MME: variants seen among roughly 807,000 people sequenced by gnomAD.
MME encodes the protein membrane metalloendopeptidase, also known as neprilysin.
Under a neutral mutation model 113.2 loss-of-function variants are expected in MME, and 98 were observed. That is an observed-to-expected ratio of 0.87 (90% CI 0.74 to 1.02). The LOEUF is 1.02. Among genes scored for constraint, MME ranks in the 50% least tolerant of loss-of-function variants. The probability of loss-of-function intolerance (pLI) is 0.00; values close to 1 mark genes in which losing one functional copy is unlikely to be tolerated. For synonymous variants in MME, 292 were observed against 300.6 expected (o/e 0.97, Z 0.30); for missense variants, 836 against 896.0 (o/e 0.93, Z 0.86).
At chr3:155,165,009 T>C (rs911043537) in intron 17 of MME, among the ~76,000 whole-genome samples, 1 of 152,124 alleles carries the variant, frequency 6.6e-6, no homozygotes, top group African/African-American at 2.4e-5. Flanking sequence ...GACAAAGAAA[T>C]AACATGTGCT....
Position 155,149,989 on chromosome 3 carries a change from T to C in MME, c.1601+1336T>C, listed in dbSNP as rs955095705. On this transcript the variant is annotated intron_variant, in intron 16 of 22. Coordinates refer to ENST00000360490, the MANE Select transcript of MME (RefSeq NM_007289.4). ...TTGGCATTATAATCAAGTTACCATATCCTGTCTCTTGAAACACACAAAAAG... is the reference window on the plus strand; with the variant it reads ...TTGGCATTATAATCAAGTTACCATACCCTGTCTCTTGAAACACACAAAAAG... Among the ~76,000 whole-genome samples the C allele has an allele frequency of 3.3e-5, 5 of 152,328 alleles. No homozygotes were observed. The South Asian group carries it at 1.0e-3, about 32-fold the overall frequency.
At chr3:155,044,763 C>T (rs1195965387) in intron 1 of MME, among the ~76,000 whole-genome samples, 1 of 152,020 alleles carries the variant, frequency 6.6e-6, no homozygotes, top group Non-Finnish European at 1.5e-5. Context: ...CCTGTTAGTC[C>T]AATATTATGA....
intron 1 of MME, among the ~76,000 whole-genome samples, chr3:155,048,169 A>G (rs1010702047): frequency 1.3e-5 from 2 of 152,266 alleles, no homozygotes; most frequent in African/African-American, 4.8e-5. Context: ...AAACCTGTGT[A>G]GGATCACATA....
At chr3:155,071,914 C>A (rs976982698) in intron 1 of MME, among the ~76,000 whole-genome samples, 20 of 152,136 alleles carry the variant, frequency 1.3e-4, no homozygotes, top group African/African-American at 4.8e-4. Flanking sequence ...GTAATCCCAG[C>A]ACTTTGGGAG....
chr3:155,138,406 T>G (rs532996636), intron 9 of MME, among the ~76,000 whole-genome samples, 170 bp downstream of exon 9: 1 of 152,206 alleles, frequency 6.6e-6, no homozygotes, highest in East Asian at 1.9e-4. Context: ...ACTAAAGAAT[T>G]TTATAGTAAA....
At chr3:155,131,777 G>A (rs1305772701) in intron 8 of MME, among the ~76,000 whole-genome samples, 1 of 152,074 alleles carries the variant, frequency 6.6e-6, no homozygotes, top group Non-Finnish European at 1.5e-5. Context: ...GCCCAGAAAT[G>A]GCTGTGTGAC....
In MME at chr3:155,115,085, C is replaced by T. The variant is rs775882447; in HGVS notation, c.288C>T (p.Val96=). 6.2e-7 allele frequency: 1 copy of T among 1,614,122 alleles called. No homozygotes were observed. Among genetic ancestry groups the T allele is most frequent in the Non-Finnish European group, 8.5e-7 (1 of 1,180,008 alleles). The change falls in exon 4 of 23, where the codon GTC becomes GTT. Residue 96 remains valine, a synonymous_variant. Transcript: ENST00000360490. ...GCGGAGGCTGGTTGAAACGTAATGT[C>T]ATTCCCGAGACCAGCTCCCGTTACG... The part of the protein sequence containing the change: ...YACGGWLKRN[V]IPETSSRYGN...
intron 3 of MME, among the ~76,000 whole-genome samples, chr3:155,107,051 A>C (rs1717745240): frequency 6.6e-6 from 1 of 152,344 alleles, no homozygotes; most frequent in Non-Finnish European, 1.5e-5. Flanking sequence ...AATTCAGTGC[A>C]GATTAAGAAT....
intron 1 of MME, 88 bp from the exon 2 acceptor site, chr3:155,084,070 T>G: frequency 8.3e-7 from 1 of 1,204,890 alleles, no homozygotes; most frequent in Non-Finnish European, 1.2e-6. Flanking sequence ...TAACTGAGCC[T>G]TTTACTTTTA....
rs183584084 is a variant in MME at position 155,065,442 on chromosome 3, G to A, written c.-10-18716G>A. ...AATTACCCTTCCCTGAAGTCCTAAA[G>A]ACTACAGATATAAAGACAAATGGAG... On this transcript the variant is annotated intron_variant, in intron 1 of 22. Coordinates refer to the MME transcript ENST00000492661. Among the ~76,000 whole-genome samples the A allele has an allele frequency of 3.3e-5, 5 of 152,210 alleles. No individual in the cohort carries two copies. The East Asian group carries it at 9.6e-4, about 29-fold the overall frequency.
At chr3:155,150,954 G>T (rs1047953212) in intron 16 of MME, among the ~76,000 whole-genome samples, 6 of 152,096 alleles carry the variant, frequency 3.9e-5, no homozygotes, top group Non-Finnish European at 8.8e-5. Flanking sequence ...TTTCTTGCAG[G>T]GAAAGTTACT....
At chr3:155,132,496 C>A (rs1373908901) in intron 8 of MME, among the ~76,000 whole-genome samples, 1 of 152,080 alleles carries the variant, frequency 6.6e-6, no homozygotes, top group Non-Finnish European at 1.5e-5. Flanking sequence ...CCGATGATCA[C>A]CTTTGAAACT....
chr3:155,118,610 T>A (rs1421367551), intron 7 of MME, 136 bp from the exon 8 acceptor site: 1 of 669,338 alleles, frequency 1.5e-6, no homozygotes, highest in Non-Finnish European at 2.7e-6. Flanking sequence ...AACTAGGTAT[T>A]TATTGAGTGT....
chr3:155,029,441 TA>T (rs1173945034), intron 1 of MME, among the ~76,000 whole-genome samples: 1 of 152,048 alleles, frequency 6.6e-6, no homozygotes, highest in Non-Finnish European at 1.5e-5. Context: ...AATTTTTTAC[TA>T]AAAAACCACA....
chr3:155,103,548 A>G (rs557027753), intron 3 of MME, among the ~76,000 whole-genome samples: 3 of 152,336 alleles, frequency 2.0e-5, no homozygotes, highest in African/African-American at 7.2e-5. Context: ...GTTAATGAGG[A>G]AACAGTTTCC....
At chr3:155,115,442 T>C (rs148454837) in intron 4 of MME, among the ~76,000 whole-genome samples, 2 of 142,964 alleles carry the variant, frequency 1.4e-5, no homozygotes, top group Non-Finnish European at 3.1e-5. Context: ...TTTGTTTGTT[T>C]TTTGAGATGG....
chr3:155,128,554 A>G (rs1719877334), intron 8 of MME, among the ~76,000 whole-genome samples: 1 of 152,116 alleles, frequency 6.6e-6, no homozygotes, highest in African/African-American at 2.4e-5. Flanking sequence ...TTTCTCCCTT[A>G]TAGGCTTTTA....
upstream of MME, among the ~76,000 whole-genome samples, chr3:155,078,900 G>A (rs1836912): frequency 0.059 from 9,049 of 152,188 alleles, 358 homozygotes; most frequent in African/African-American, 0.11. Context: ...TGTGTCTTGA[G>A]TGAAAGGGGT....
chr3:155,109,273 G>T (rs1400729137), intron 3 of MME, among the ~76,000 whole-genome samples: 1 of 152,094 alleles, frequency 6.6e-6, no homozygotes, highest in Non-Finnish European at 1.5e-5. Flanking sequence ...CAAGACTTGA[G>T]ACAATGAAAG....
Sources: allele counts gnomAD v4.1 joint callset (sites outside exome capture counted in the v4.1 genomes callset), GRCh38; gene constraint gnomAD v4.1.1; transcripts MANE v1.5; gene names NCBI Gene and HGNC (gene_info 2026-07-23, HGNC 2026-07-21).